ARHGAP6: variants seen among roughly 807,000 people sequenced by gnomAD.
The protein encoded by ARHGAP6 is Rho GTPase activating protein 6, also known as rho GTPase-activating protein 6.
ARHGAP6 carries 16 observed loss-of-function variants against 55.7 expected under a neutral mutation model. The ratio of observed to expected loss-of-function variants is 0.29; its 90% CI spans 0.19 to 0.44. The LOEUF is 0.44. ARHGAP6 is among the 20% of genes least tolerant of loss of function. The pLI is 1.00. For synonymous variants in ARHGAP6, 382 were observed against 360.9 expected (o/e 1.06, Z -0.66); for missense variants, 698 against 808.9 (o/e 0.86, Z 1.66).
intron 1 of ARHGAP6, among the ~76,000 whole-genome samples, chrX:11,648,844 G>C (rs1191537004): frequency 8.9e-6 from 1 of 111,942 alleles, no homozygotes; most frequent in East Asian, 2.8e-4. Flanking sequence ...TAAAGTTTTT[G>C]AGTTCTGCTA....
At chrX:11,307,876 C>T (rs959653476) in intron 1 of ARHGAP6, among the ~76,000 whole-genome samples, 5 of 111,924 alleles carry the variant, frequency 4.5e-5, no homozygotes, top group African/African-American at 1.6e-4. Flanking sequence ...TTGATAGTTG[C>T]TATTACTGTA....
At chrX:11,225,602 C>A in intron 2 of ARHGAP6, 2 of 295,979 alleles carry the variant, frequency 6.8e-6, no homozygotes, top group African/African-American at 2.8e-5. Context: ...AAAGCTAATG[C>A]AGAATTATGT....
chrX:11,531,719 A>G (rs1044479511), intron 1 of ARHGAP6, among the ~76,000 whole-genome samples: 4 of 111,846 alleles, frequency 3.6e-5, no homozygotes, highest in Non-Finnish European at 7.5e-5. Context: ...CCAAGCTTTG[A>G]GCTTCAGTTC....
chrX:11,388,271 T>C (rs989996595), intron 1 of ARHGAP6, among the ~76,000 whole-genome samples: 2 of 112,058 alleles, frequency 1.8e-5, no homozygotes, highest in Admixed American at 9.4e-5. Flanking sequence ...TGGTATCTCA[T>C]TGTGGTTTTG....
chrX:11,340,309 C>G (rs1201612443), intron 1 of ARHGAP6, among the ~76,000 whole-genome samples: 1 of 112,117 alleles, frequency 8.9e-6, no homozygotes, highest in Non-Finnish European at 1.9e-5. Context: ...TTTGTACATA[C>G]TGTTCCCTCC....
chrX:11,175,416 C>G (rs184236572), intron 8 of ARHGAP6, among the ~76,000 whole-genome samples: 1 of 112,088 alleles, frequency 8.9e-6, no homozygotes, highest in Admixed American at 9.4e-5. Flanking sequence ...TAGAAACCCT[C>G]GTAAACCCTG....
At chrX:11,590,319 T>C (rs2051789694) in intron 1 of ARHGAP6, among the ~76,000 whole-genome samples, 1 of 111,677 alleles carries the variant, frequency 9.0e-6, no homozygotes, top group African/African-American at 3.3e-5. Context: ...TTTCCAAAGC[T>C]CTGTTTTATC....
rs189940411 is a variant in ARHGAP6, at chrX:11,628,416, G to A, written c.588+35825C>T. 4.3e-3 allele frequency among the ~76,000 whole-genome samples: 488 copies of A among 112,744 alleles called. 3 individuals are homozygous for A. Among genetic ancestry groups the A allele is most frequent in the African/African-American group, 0.013 (405 of 31,140 alleles). On this transcript the variant is annotated intron_variant, in intron 1 of 12. Coordinates refer to ENST00000337414, the MANE Select transcript of ARHGAP6 (RefSeq NM_013427.3). ...AAAGGTATAAGTGAATCTGTAAAGA[G>A]GGAATTGTATTATTGTGTAATGCTG...
At chrX:11,351,047 TAC>T (rs35026703) in intron 1 of ARHGAP6, among the ~76,000 whole-genome samples, 4,301 of 87,600 alleles carry the variant, frequency 0.049, 90 homozygotes, top group East Asian at 0.07. Flanking sequence ...ATATTCAAAT[TAC>T]ACACACACAC....
At chrX:11,350,007 G>A (rs769574378) in intron 1 of ARHGAP6, among the ~76,000 whole-genome samples, 6 of 111,707 alleles carry the variant, frequency 5.4e-5, no homozygotes, top group Non-Finnish European at 1.1e-4. Context: ...TTACAAGGTG[G>A]TTGTGAGGGT....
intron 1 of ARHGAP6, among the ~76,000 whole-genome samples, chrX:11,518,467 T>C (rs1357694903): frequency 5.2e-5 from 5 of 96,786 alleles, no homozygotes; most frequent in East Asian, 3.1e-4. Context: ...TTTTTCTTTT[T>C]TTTTTTTTTT....
At chrX:11,178,010 C>A (rs767218270) in intron 8 of ARHGAP6, 90 bp downstream of exon 8, 47 of 1,115,535 alleles carry the variant, frequency 4.2e-5, no homozygotes, top group Non-Finnish European at 5.1e-5. Flanking sequence ...ACATCATTAC[C>A]TCCAGGCAAA....
chrX:11,197,474 A>G (rs923107003), intron 2 of ARHGAP6, among the ~76,000 whole-genome samples: 7 of 112,049 alleles, frequency 6.2e-5, no homozygotes, highest in African/African-American at 1.9e-4. Context: ...ACAATTTACT[A>G]TGTGACTTTG....
intron 1 of ARHGAP6, among the ~76,000 whole-genome samples, chrX:11,419,782 G>T (rs2049796617): frequency 8.9e-6 from 1 of 112,319 alleles, no homozygotes; most frequent in Non-Finnish European, 1.9e-5. Flanking sequence ...AGATATTTCA[G>T]TCAACTGCAG....
intron 1 of ARHGAP6, among the ~76,000 whole-genome samples, chrX:11,514,334 G>T (rs904697371): frequency 3.6e-5 from 4 of 110,331 alleles, no homozygotes; most frequent in Non-Finnish European, 7.6e-5. Flanking sequence ...GAGATTTGGG[G>T]TTACAGATTA....
intron 1 of ARHGAP6, among the ~76,000 whole-genome samples, chrX:11,590,869 GGAAA>G (rs746597625): frequency 0.081 from 1,966 of 24,174 alleles, 230 homozygotes; most frequent in African/African-American, 0.11. Context: ...AAGAAAAGAA[GGAAA>G]GAAAGAAAGA....
At chrX:11,256,876 G>A (rs1383650105) in intron 1 of ARHGAP6, among the ~76,000 whole-genome samples, 1 of 111,709 alleles carries the variant, frequency 9.0e-6, no homozygotes, top group East Asian at 2.8e-4. Context: ...GCTCAGGGAG[G>A]GTGATGCAGG....
chrX:11,346,955 AAAC>A (rs1469153947), intron 1 of ARHGAP6, among the ~76,000 whole-genome samples: 54 of 109,751 alleles, frequency 4.9e-4, no homozygotes, highest in African/African-American at 1.7e-3. Context: ...ACAAACAAAC[AAAC>A]TAGTGTGCTC....
chrX:11,387,013 T>G (rs1304726138), intron 1 of ARHGAP6, among the ~76,000 whole-genome samples: 1 of 112,165 alleles, frequency 8.9e-6, no homozygotes, highest in African/African-American at 3.2e-5. Context: ...TCCAGCAGTT[T>G]CCACGCCAAG....
Sources: gnomAD v4.1 joint callset for allele counts (sites outside exome capture counted in the v4.1 genomes callset) on GRCh38, gnomAD v4.1.1 for gene constraint, MANE v1.5 for transcripts, NCBI Gene and HGNC (gene_info 2026-07-23, HGNC 2026-07-21) for gene names.